Variants in KIAA0586 observed in about 807,000 individuals in gnomAD.
KIAA0586 encodes KIAA0586.
Under a neutral mutation model 169.8 loss-of-function variants are expected in KIAA0586, and 144 were observed. The ratio of observed to expected loss-of-function variants is 0.85; its 90% CI spans 0.74 to 0.97. The LOEUF is 0.97. Ranked by LOEUF, KIAA0586 falls within the 50% of genes least tolerant of loss-of-function variation. KIAA0586 has a pLI of 0.00. For synonymous variants in KIAA0586, 625 were observed against 612.4 expected, an observed-to-expected ratio of 1.02 and a Z score of -0.30; for missense variants, 1,854 against 1,823.0, an observed-to-expected ratio of 1.02 and a Z score of -0.31.
In KIAA0586 at chr14:58,465,835, G is replaced by T. The variant is rs757277100; in HGVS notation, c.2060G>T (p.Gly687Val). ...TATCTGCCATTGGTGATTATTATAG[G>T]CACTAAGGTAAAGTCAATAAGAACA... ...QRPKVIERVK[G>V]TKVKSIRTQT... Residue 687 changes from glycine to valine, a missense_variant and splice_region_variant, in exon 15 of 31, where the codon GGC becomes GTC. By Grantham distance (109) the Gly-to-Val change is moderately radical (BLOSUM62 -3). Transcript: ENST00000652326. 2 of 1,576,064 alleles carry T rather than the reference G, an allele frequency of 1.3e-6. No homozygotes were observed. Among genetic ancestry groups the T allele is most frequent in the Non-Finnish European group, 1.7e-6 (2 of 1,153,616 alleles).
At chr14:58,462,863 G>A (rs1358684502) in intron 14 of KIAA0586, among the ~76,000 whole-genome samples, 1 of 152,142 alleles carries the variant, frequency 6.6e-6, no homozygotes. Context: ...GAGAGAGGGA[G>A]CAAAGAAAGC....
chr14:58,430,133 A>G (rs1402184266), intron 2 of KIAA0586, among the ~76,000 whole-genome samples: 6 of 151,870 alleles, frequency 4.0e-5, no homozygotes, highest in Non-Finnish European at 7.4e-5. Context: ...CCCTAAGTAA[A>G]TGCCTAGACT....
rs2140569493 is a variant in KIAA0586, at chr14:58,444,232, G to A, written c.807+57G>A. ...AATCTTTTATCACTTGGATCTCTCAGCCAGTATTCATTGATAATTACAGTA... is the reference window on the plus strand; with the variant it reads ...AATCTTTTATCACTTGGATCTCTCAACCAGTATTCATTGATAATTACAGTA... On this transcript the variant is annotated intron_variant, in intron 6 of 30. Transcript: ENST00000652326. 5.4e-6 allele frequency: 6 copies of A among 1,117,358 alleles called. No homozygotes were observed. In the South Asian group the frequency reaches 8.3e-5, roughly 16 times the overall value. 69.2% of individuals were successfully genotyped at this position (1,117,358 alleles called of 1,614,324 possible). A position where few individuals can be genotyped will look rare whatever the true frequency, so the allele number is the denominator to read the frequency against.
intron 12 of KIAA0586, among the ~76,000 whole-genome samples, chr14:58,459,319 CAA>C (rs919973721): frequency 1.3e-5 from 2 of 152,142 alleles, no homozygotes; most frequent in African/African-American, 4.8e-5. Context: ...GGTACACACA[CAA>C]AAAAAAATTG....
intron 27 of KIAA0586, among the ~76,000 whole-genome samples, chr14:58,503,221 G>C (rs1323147862): frequency 6.6e-6 from 1 of 152,144 alleles, no homozygotes; most frequent in African/African-American, 2.4e-5. Flanking sequence ...ACTACATTAA[G>C]CACTCAAGAT....
intron 27 of KIAA0586, among the ~76,000 whole-genome samples, chr14:58,508,112 G>A (rs768005040): frequency 1.3e-5 from 2 of 152,116 alleles, no homozygotes; most frequent in African/African-American, 2.4e-5. Context: ...GAAAATAAGA[G>A]CTTGATCACT....
intron 26 of KIAA0586, among the ~76,000 whole-genome samples, chr14:58,498,017 A>G (rs920223300): frequency 6.6e-6 from 1 of 151,738 alleles, no homozygotes; most frequent in Non-Finnish European, 1.5e-5. Flanking sequence ...AGCTGGGACT[A>G]CAGGTGCCTG....
chr14:58,453,252 A>T, intron 8 of KIAA0586, 98 bp from the exon 9 acceptor site: 1 of 647,540 alleles, frequency 1.5e-6, no homozygotes, highest in East Asian at 3.9e-5. Flanking sequence ...AATCATCATA[A>T]GAAGCTAACT....
rs5808973 is a variant in KIAA0586, at chr14:58,487,870, T to TAA, written c.3305-9_3305-8dup. 3.6e-3 allele frequency: 4,785 copies of TAA among 1,332,300 alleles called. 2 individuals carry two copies. Among genetic ancestry groups the TAA allele is most frequent in the Non-Finnish European group, 4.0e-3 (3,835 of 964,774 alleles). The allele number at this position is 1,332,300 out of a possible 1,614,324, so 82.5% of individuals were successfully genotyped here. A position where few individuals can be genotyped will look rare whatever the true frequency, so the allele number is the denominator to read the frequency against. On this transcript the variant is annotated splice_polypyrimidine_tract_variant and intron_variant, in intron 22 of 30. Coordinates refer to ENST00000652326, the MANE Select transcript of KIAA0586 (RefSeq NM_001329943.3). ...TGACTACTATCTTTTTCTGTCCTTT[T>TAA]AAAAAAAAACCTTTAGGAGATGATA...
Position 58,550,833 on chromosome 14 carries a change from CAA to C in KIAA0586, c.*2919_*2920del, listed in dbSNP as rs58135754. On this transcript the variant is annotated 3_prime_UTR_variant, in exon 31 of 31. Coordinates refer to ENST00000652326, the MANE Select transcript of KIAA0586 (RefSeq NM_001329943.3). ...TGGGTGACAGAATGAGACCGTGTCT[CAA>C]AAAAAAAAAAAAAAAAATTGCTGAG... 8.5e-4 allele frequency: 80 copies of C among 93,872 alleles called. No homozygotes were observed. Among genetic ancestry groups the C allele is most frequent in the African/African-American group, 1.1e-3 (31 of 27,388 alleles). 5.8% of individuals were successfully genotyped at this position (93,872 alleles called of 1,614,324 possible).
intron 29 of KIAA0586, among the ~76,000 whole-genome samples, chr14:58,526,320 A>G (rs1349252280): frequency 2.0e-5 from 3 of 152,160 alleles, no homozygotes; most frequent in Non-Finnish European, 2.9e-5. Context: ...TATGACTGGT[A>G]TCTGGTGGGT....
intron 19 of KIAA0586, among the ~76,000 whole-genome samples, chr14:58,476,287 T>G (rs1238179059): frequency 6.6e-6 from 1 of 152,204 alleles, no homozygotes; most frequent in East Asian, 1.9e-4. Context: ...AAGAAGTCTA[T>G]TAACTGCACT....
intron 16 of KIAA0586, among the ~76,000 whole-genome samples, chr14:58,469,829 T>C (rs2041065872): frequency 6.6e-6 from 1 of 152,134 alleles, no homozygotes; most frequent in Admixed American, 6.5e-5. Flanking sequence ...ATAATGCAAA[T>C]TGAAATAACA....
At chr14:58,437,034 A>ATGAAGAAGAG (rs2037885354) in intron 4 of KIAA0586, among the ~76,000 whole-genome samples, 2 of 152,244 alleles carry the variant, frequency 1.3e-5, no homozygotes, top group Non-Finnish European at 2.9e-5. Context: ...TGGTAGCCAT[A>ATGAAGAAGAG]TGAAGAAATG....
At chr14:58,464,074 G>T (rs948754889) in intron 14 of KIAA0586, 1 of 423,176 alleles carries the variant, frequency 2.4e-6, no homozygotes, top group South Asian at 1.8e-5. Flanking sequence ...TCACATTGAT[G>T]ATCTGGAGAA....
rs567307146 is a variant in KIAA0586, at chr14:58,445,400, T to G, written c.807+1225T>G. 4.6e-5 allele frequency among the ~76,000 whole-genome samples: 7 copies of G among 152,166 alleles called. No individual in the cohort carries two copies. In the East Asian group the frequency reaches 1.4e-3, roughly 29 times the overall value. On this transcript the variant is annotated intron_variant, in intron 6 of 30. Coordinates refer to ENST00000652326, the MANE Select transcript of KIAA0586 (RefSeq NM_001329943.3). ...TCCTCACAAGGAGCTGTAGCATACT[T>G]TCTTATTTATTTTGGAATTTCTTTT...
chr14:58,558,792 A>G, the KIAA0586 span, among the ~76,000 whole-genome samples: 4 of 152,346 alleles, frequency 2.6e-5, no homozygotes, highest in African/African-American at 9.6e-5. Context: ...CGTTAGGTTT[A>G]TTAATCAGAA....
At chr14:58,514,209 T>C (rs1202709606) in intron 29 of KIAA0586, among the ~76,000 whole-genome samples, 4 of 152,142 alleles carry the variant, frequency 2.6e-5, no homozygotes, top group Non-Finnish European at 4.4e-5. Flanking sequence ...TTGTGGGTTT[T>C]ATTATTTTTT....
At chr14:58,495,386 C>T (rs1245204726) in intron 26 of KIAA0586, among the ~76,000 whole-genome samples, 3 of 151,984 alleles carry the variant, frequency 2.0e-5, no homozygotes, top group South Asian at 4.2e-4. Flanking sequence ...ACTGCAGCCT[C>T]GAACTCTTGG....
Sources: allele counts gnomAD v4.1 joint callset (sites outside exome capture counted in the v4.1 genomes callset), GRCh38; gene constraint gnomAD v4.1.1; transcripts MANE v1.5; gene names NCBI Gene and HGNC (gene_info 2026-07-23, HGNC 2026-07-21).